The following ANKRD44 variants were observed in gnomAD, a reference collection of about 807,000 sequenced individuals.
ANKRD44 encodes serine/threonine-protein phosphatase 6 regulatory ankyrin repeat subunit B.
In ANKRD44, 35 loss-of-function variants were observed where a neutral mutation model predicts 116.0. That is an observed-to-expected ratio of 0.30 (90% CI 0.23 to 0.40). The LOEUF (loss-of-function observed/expected upper bound fraction) is 0.40, where lower values mean the gene tolerates loss of function less well. ANKRD44 is among the 10% of genes least tolerant of loss of function. ANKRD44 has a pLI of 1.00. For synonymous variants in ANKRD44, 435 were observed against 461.8 expected, an observed-to-expected ratio of 0.94 and a Z score of 0.74; for missense variants, 1,014 against 1,242.6, an observed-to-expected ratio of 0.82 and a Z score of 2.77.
At chr2:196,979,554 C>CTTTATTTTTTT (rs2075785407) in intron 21 of ANKRD44, among the ~76,000 whole-genome samples, 1 of 59,634 alleles carries the variant, frequency 1.7e-5, no homozygotes, top group Non-Finnish European at 3.0e-5. Flanking sequence ...AATAAGATGA[C>CTTTATTTTTTT]TTTTTTTTTT....
intron 9 of ANKRD44, among the ~76,000 whole-genome samples, chr2:197,106,700 G>A (rs2078436846): frequency 2.0e-5 from 3 of 151,706 alleles, no homozygotes; most frequent in Admixed American, 2.0e-4. Context: ...TGAGGCAGGA[G>A]AATGGAGTGA....
chr2:197,020,810 T>C lies in ANKRD44; in HGVS notation c.1722+4386A>G, dbSNP rs891919018. On this transcript the variant is annotated intron_variant, in intron 17 of 27. Transcript: ENST00000282272. Reference sequence around the variant, plus strand: ...TAATTATATATGGAGTTTTTTATTATTATTATACTTTAAGTTCTAGGGTAC... The same window carrying C: ...TAATTATATATGGAGTTTTTTATTACTATTATACTTTAAGTTCTAGGGTAC... 4.6e-5 allele frequency among the ~76,000 whole-genome samples: 7 copies of C among 151,392 alleles called. No individual in the cohort carries two copies. The South Asian group carries it at 1.2e-3, about 27-fold the overall frequency.
In ANKRD44 at chr2:197,310,539, C is replaced by A. The variant is rs1186072719; in HGVS notation, c.27+39G>T. On this transcript the variant is annotated intron_variant, in intron 1 of 27. Coordinates refer to ENST00000282272, the MANE Select transcript of ANKRD44 (RefSeq NM_001195144.2). ...CCCCGCCGGGCTCCGCGCCGCCCCG[C>A]GCCCGCGCGTCCCGCCCGCCGGCGC... 29 of 1,082,550 alleles carry A rather than the reference C, an allele frequency of 2.7e-5. No individual in the cohort carries two copies. The African/African-American group carries it at 3.6e-4, about 13-fold the overall frequency. 67.1% of individuals were successfully genotyped at this position (1,082,550 alleles called of 1,614,324 possible). A position where few individuals can be genotyped will look rare whatever the true frequency, so the allele number is the denominator to read the frequency against.
At chr2:197,176,011 A>T (rs2080356659) in intron 2 of ANKRD44, among the ~76,000 whole-genome samples, 1 of 152,168 alleles carries the variant, frequency 6.6e-6, no homozygotes, top group East Asian at 1.9e-4. Flanking sequence ...GTGTCCTTAA[A>T]GAGGGAGGGC....
chr2:197,213,334 C>G (rs900339050), intron 1 of ANKRD44, among the ~76,000 whole-genome samples: 5 of 152,216 alleles, frequency 3.3e-5, no homozygotes, highest in Non-Finnish European at 7.3e-5. Context: ...GGCATATCAT[C>G]TTCCAACCAG....
intron 16 of ANKRD44, among the ~76,000 whole-genome samples, chr2:197,031,562 C>G (rs2076708249): frequency 1.3e-5 from 2 of 152,190 alleles, no homozygotes; most frequent in South Asian, 4.1e-4. Flanking sequence ...TGGAAAAAAG[C>G]TATAACCTTT....
chr2:197,133,101 T>C (rs933357509), intron 4 of ANKRD44, among the ~76,000 whole-genome samples: 1 of 152,192 alleles, frequency 6.6e-6, no homozygotes, highest in Non-Finnish European at 1.5e-5. Context: ...GTGTTGCAGC[T>C]TCACATGATG....
At chr2:197,172,576 C>T (rs2080266165) in intron 2 of ANKRD44, among the ~76,000 whole-genome samples, 1 of 152,034 alleles carries the variant, frequency 6.6e-6, no homozygotes, top group South Asian at 2.1e-4. Flanking sequence ...GGAACCCTGT[C>T]CTATTCATCT....
At chr2:197,157,539 G>C (rs753554863) in intron 2 of ANKRD44, among the ~76,000 whole-genome samples, 1 of 152,004 alleles carries the variant, frequency 6.6e-6, no homozygotes, top group Non-Finnish European at 1.5e-5. Context: ...CTAGCCTGGC[G>C]TGGTGGCACA....
intron 3 of ANKRD44, among the ~76,000 whole-genome samples, 196 bp downstream of exon 3, chr2:197,146,831 T>C (rs2079517385): frequency 6.6e-6 from 1 of 152,118 alleles, no homozygotes; most frequent in South Asian, 2.1e-4. Context: ...AAGATAAAAA[T>C]GTTACTGGAG....
chr2:197,003,687 AGCCC>A (rs1282501618), intron 21 of ANKRD44, among the ~76,000 whole-genome samples: 2 of 152,184 alleles, frequency 1.3e-5, no homozygotes, highest in Admixed American at 6.5e-5. Flanking sequence ...TCTCACCCTG[AGCCC>A]TGAAGAGAGG....
intron 16 of ANKRD44, among the ~76,000 whole-genome samples, chr2:197,055,599 T>C (rs551505996): frequency 1.8e-4 from 27 of 152,324 alleles, no homozygotes; most frequent in African/African-American, 3.4e-4. Context: ...CTGCAATCCA[T>C]CTTGAATTCA....
chr2:197,103,862 A>G (rs73988093), intron 9 of ANKRD44, among the ~76,000 whole-genome samples: 1,544 of 152,198 alleles, frequency 0.01, 31 homozygotes, highest in African/African-American at 0.034. Context: ...GAATTTTCCC[A>G]TGGTTGAGTT....
chr2:197,014,683 G>A (rs759560699), intron 17 of ANKRD44, among the ~76,000 whole-genome samples: 1 of 151,958 alleles, frequency 6.6e-6, no homozygotes, highest in African/African-American at 2.4e-5. Flanking sequence ...CTACTCGGGA[G>A]GCTGAGGCAG....
chr2:197,047,024 CTTT>C (rs11431937), intron 16 of ANKRD44, among the ~76,000 whole-genome samples: 2 of 148,804 alleles, frequency 1.3e-5, no homozygotes, highest in Non-Finnish European at 3.0e-5. Context: ...AACAGAATTA[CTTT>C]TTTTTTTTGA....
At chr2:197,207,397 T>A (rs1431585049) in intron 1 of ANKRD44, among the ~76,000 whole-genome samples, 1 of 152,258 alleles carries the variant, frequency 6.6e-6, no homozygotes, top group Non-Finnish European at 1.5e-5. Context: ...ATTAAACAGC[T>A]GTGCCTGCGG....
At chr2:196,974,174 C>T (rs1219171240) in intron 21 of ANKRD44, among the ~76,000 whole-genome samples, 2 of 151,976 alleles carry the variant, frequency 1.3e-5, no homozygotes, top group Non-Finnish European at 2.9e-5. Context: ...CCTCTATCTC[C>T]GAGGCTTAAG....
At chr2:197,069,977 G>A (rs980647244) in intron 16 of ANKRD44, among the ~76,000 whole-genome samples, 3 of 151,774 alleles carry the variant, frequency 2.0e-5, no homozygotes, top group Non-Finnish European at 4.4e-5. Context: ...TAAGCACAGA[G>A]TTATTGACAG....
Position 197,203,907 on chromosome 2 carries a change from C to A in ANKRD44, c.28-16801G>T, listed in dbSNP as rs1345368091. ...GTATGATTCCATTTATATGAAATAG[C>A]CACACATAGAAACAGAAAGCTGATT... On this transcript the variant is annotated intron_variant, in intron 1 of 27. Coordinates refer to ENST00000282272, the MANE Select transcript of ANKRD44 (RefSeq NM_001195144.2). The surrounding 1 kb of genome is among the most constrained non-coding windows in gnomAD (Gnocchi z 4.1). 1.3e-5 allele frequency among the ~76,000 whole-genome samples: 2 copies of A among 152,176 alleles called. No individual in the cohort carries two copies. The highest frequency in any genetic ancestry group is 1.5e-5 in the Non-Finnish European group (1 of 68,036).
Sources: allele counts gnomAD v4.1 joint callset (sites outside exome capture counted in the v4.1 genomes callset), GRCh38; gene constraint gnomAD v4.1.1; non-coding constraint Gnocchi (gnomAD v3.1); transcripts MANE v1.5; gene names NCBI Gene and HGNC (gene_info 2026-07-23, HGNC 2026-07-21).